The following PIGN variants were observed in gnomAD, a reference collection of about 807,000 sequenced individuals.
The protein encoded by PIGN is GPI ethanolamine phosphate transferase 1.
PIGN carries 117 observed loss-of-function variants against 125.4 expected under a neutral mutation model. The ratio of observed to expected loss-of-function variants is 0.93; its 90% CI spans 0.80 to 1.09. PIGN has a LOEUF of 1.09. Among genes scored for constraint, PIGN ranks in the 50% least tolerant of loss-of-function variants. The pLI is 0.00. For synonymous variants in PIGN, 392 were observed against 377.8 expected (o/e 1.04, Z -0.44); for missense variants, 1,075 against 1,094.9 (o/e 0.98, Z 0.26).
chr18:62,088,840 G>A lies in PIGN; in HGVS notation c.2286C>T (p.Leu762=). ...QQSGVCCKQK[L]TSIQFSYNTD... ...TATTATAAGAGAACTGGATACTGGT[G>A]AGCTGTGAGATAATAAGAAAAATAT... is the stretch of plus-strand genomic sequence containing the variant. Residue 762 remains leucine (L), a splice_region_variant and synonymous_variant, in exon 25 of 31, where the codon CTC becomes CTT. Transcript: ENST00000640252. 1 of 1,515,328 alleles carries A rather than the reference G, an allele frequency of 6.6e-7. No homozygotes were observed. Among genetic ancestry groups the A allele is most frequent in the Non-Finnish European group, 9.0e-7 (1 of 1,112,298 alleles). The allele number at this position is 1,515,328 out of a possible 1,614,324, so 93.9% of individuals were successfully genotyped here. A position where few individuals can be genotyped will look rare whatever the true frequency, so the allele number is the denominator to read the frequency against.
intron 14 of PIGN, among the ~76,000 whole-genome samples, chr18:62,117,702 A>G (rs1315539568): frequency 1.3e-5 from 2 of 152,136 alleles, no homozygotes; most frequent in African/African-American, 4.8e-5. Context: ...GGATATACAT[A>G]TATCATGTAT....
At position 62,138,236 on chromosome 18, in the gene PIGN, GACTT is replaced by G; in HGVS notation, c.1172+3_1172+6del. 2.6e-6 allele frequency: 4 copies of G among 1,543,572 alleles called. No homozygotes were observed. Among genetic ancestry groups the G allele is most frequent in the South Asian group, 1.2e-5 (1 of 80,946 alleles). On this transcript the variant is annotated splice_donor_5th_base_variant and intron_variant, in intron 14 of 30. Coordinates refer to ENST00000640252, the MANE Select transcript of PIGN (RefSeq NM_176787.5). Reference sequence around the variant, plus strand: ...TTCAAGTTAATAAAAAAATGTAAGGGACTTACTTAAATGGTGTAAACAAAAATGG... The same window carrying G: ...TTCAAGTTAATAAAAAAATGTAAGGGACTTAAATGGTGTAAACAAAAATGG...
chr18:62,125,013 T>G (rs988364081), intron 14 of PIGN, among the ~76,000 whole-genome samples: 1 of 148,762 alleles, frequency 6.7e-6, no homozygotes, highest in African/African-American at 2.6e-5. Flanking sequence ...AATGTTAGCA[T>G]TTTTCATTAA....
At chr18:62,135,362 G>T (rs1304838963) in intron 14 of PIGN, among the ~76,000 whole-genome samples, 1 of 152,040 alleles carries the variant, frequency 6.6e-6, no homozygotes, top group Admixed American at 6.6e-5. Context: ...TAGCCAGACA[G>T]GTCTACAGGC....
chr18:62,140,857 A>G (rs945857957), intron 11 of PIGN, among the ~76,000 whole-genome samples: 12 of 152,228 alleles, frequency 7.9e-5, no homozygotes, highest in African/African-American at 2.9e-4. Flanking sequence ...GTATATATTA[A>G]GTAGAAAAAC....
intron 25 of PIGN, among the ~76,000 whole-genome samples, chr18:62,087,281 T>C (rs994490671): frequency 1.3e-5 from 2 of 152,094 alleles, no homozygotes; most frequent in African/African-American, 4.8e-5. Flanking sequence ...GTGTACTGGA[T>C]GTGAAGGGAA....
chr18:62,048,034 T>A (rs546132), intron 30 of PIGN, among the ~76,000 whole-genome samples: 37,408 of 151,984 alleles, frequency 0.25, 4,721 homozygotes, highest in Non-Finnish European at 0.27. Flanking sequence ...TAAAGAAGTC[T>A]AGAACTAAAA....
At chr18:62,088,597 A>T (rs1022395433) in intron 25 of PIGN, 159 bp downstream of exon 25, 1 of 535,418 alleles carries the variant, frequency 1.9e-6, no homozygotes, top group African/African-American at 2.0e-5. Context: ...CTATAGTTCA[A>T]AAAAATTTTT....
In PIGN at chr18:62,106,867, G is replaced by A; in HGVS notation, c.1689C>T (p.Phe563=). 1 of 1,607,506 alleles carries A rather than the reference G, an allele frequency of 6.2e-7. No individual in the cohort carries two copies. Among genetic ancestry groups the A allele is most frequent in the Non-Finnish European group, 8.5e-7 (1 of 1,176,846 alleles). Residue 563 remains phenylalanine (F), a synonymous_variant, in exon 19 of 31, where the codon TTC becomes TTT. Transcript: ENST00000640252. ...LGIEVLVLSF[F]YRYMLTAGLT... is the part of the protein sequence containing the mutation. ...GTCCAGCGGTAAGCATATAGCGGTA[G>A]AAAAAACTGAGAACCTAGTAATGCA...
intron 1 of PIGN, among the ~76,000 whole-genome samples, chr18:62,164,713 T>C (rs12605856): frequency 0.28 from 42,402 of 152,090 alleles, 7,069 homozygotes; most frequent in East Asian, 0.59. Flanking sequence ...ACATACATTA[T>C]GTTGATTATT....
chr18:62,114,884 T>A (rs939215184), intron 14 of PIGN, among the ~76,000 whole-genome samples: 12 of 152,330 alleles, frequency 7.9e-5, no homozygotes, highest in East Asian at 1.9e-4. Flanking sequence ...AGTCATATAA[T>A]CCATCATTCT....
chr18:62,098,830 G>A (rs1376416924), intron 22 of PIGN, among the ~76,000 whole-genome samples: 1 of 152,042 alleles, frequency 6.6e-6, no homozygotes, highest in Non-Finnish European at 1.5e-5. Context: ...CATGTTTGGT[G>A]AACAATAGCA....
intron 14 of PIGN, among the ~76,000 whole-genome samples, chr18:62,115,161 A>G (rs2035040323): frequency 6.6e-6 from 1 of 152,138 alleles, no homozygotes; most frequent in Non-Finnish European, 1.5e-5. Flanking sequence ...TTTTTATACT[A>G]TATCATATAC....
chr18:62,091,900 T>C (rs571231959), intron 23 of PIGN, among the ~76,000 whole-genome samples: 1 of 152,260 alleles, frequency 6.6e-6, no homozygotes, highest in East Asian at 1.9e-4. Context: ...ATTTGCTGAG[T>C]GAGTTATTTA....
intron 30 of PIGN, among the ~76,000 whole-genome samples, chr18:62,049,098 A>G (rs1320354229): frequency 1.3e-5 from 2 of 151,308 alleles, no homozygotes; most frequent in African/African-American, 4.8e-5. Context: ...AATCCAGTCT[A>G]TCATTGTTGG....
At chr18:62,126,223 T>C (rs2035530608) in intron 14 of PIGN, among the ~76,000 whole-genome samples, 1 of 152,120 alleles carries the variant, frequency 6.6e-6, no homozygotes, top group Non-Finnish European at 1.5e-5. Flanking sequence ...TAAGATTCTT[T>C]CAACATATAT....
At chr18:62,129,409 G>A (rs943176478) in intron 14 of PIGN, among the ~76,000 whole-genome samples, 9 of 152,144 alleles carry the variant, frequency 5.9e-5, no homozygotes, top group Non-Finnish European at 8.8e-5. Flanking sequence ...TCAGAAGTGC[G>A]TTGAGCTGAA....
chr18:62,130,290 T>C (rs775132331), intron 14 of PIGN, among the ~76,000 whole-genome samples: 15 of 152,198 alleles, frequency 9.9e-5, no homozygotes, highest in Non-Finnish European at 2.2e-4. Context: ...TATCTTCCTA[T>C]CAACTGCCCA....
chr18:62,090,656 T>G, intron 23 of PIGN, 78 bp from the exon 24 acceptor site: 1 of 728,980 alleles, frequency 1.4e-6, no homozygotes. Flanking sequence ...ACTGAGGTCT[T>G]TCTCAAAATT....
Sources: gnomAD v4.1 joint callset for allele counts (sites outside exome capture counted in the v4.1 genomes callset) on GRCh38, gnomAD v4.1.1 for gene constraint, MANE v1.5 for transcripts, NCBI Gene and HGNC (gene_info 2026-07-23, HGNC 2026-07-21) for gene names.